Variants in SLC44A1 observed in about 807,000 individuals in gnomAD.
The protein encoded by SLC44A1 is solute carrier family 44 member 1.
A neutral mutation model predicts 79.3 loss-of-function variants in SLC44A1; 26 were observed. The observed-to-expected ratio is 0.33, with a 90% CI of 0.24 to 0.46. The LOEUF (loss-of-function observed/expected upper bound fraction) is 0.46. Among genes scored for constraint, SLC44A1 ranks in the 20% least tolerant of loss-of-function variants. The probability of loss-of-function intolerance (pLI) is 1.00; values close to 1 mark genes in which losing one functional copy is unlikely to be tolerated. For synonymous variants in SLC44A1, 263 were observed against 286.2 expected, an observed-to-expected ratio of 0.92 and a Z score of 0.82; for missense variants, 688 against 798.1, an observed-to-expected ratio of 0.86 and a Z score of 1.66.
At chr9:105,248,149 C>T (rs1478409588) in intron 1 of SLC44A1, among the ~76,000 whole-genome samples, 1 of 152,238 alleles carries the variant, frequency 6.6e-6, no homozygotes, top group East Asian at 1.9e-4. Context: ...TAGCTTTTCT[C>T]AGCAGTATCT....
chr9:105,378,371 T>C (rs1449022994), intron 13 of SLC44A1, among the ~76,000 whole-genome samples: 2 of 152,246 alleles, frequency 1.3e-5, no homozygotes, highest in African/African-American at 4.8e-5. Context: ...ATACAACTGT[T>C]GTGTCATTTA....
intron 12 of SLC44A1, among the ~76,000 whole-genome samples, chr9:105,372,929 G>C (rs1395717621): frequency 7.6e-5 from 11 of 144,392 alleles, no homozygotes. Flanking sequence ...CAGCCTGGGC[G>C]ACAGAGCGAG....
At position 105,390,248 on chromosome 9, in the gene SLC44A1, C is replaced by T; in HGVS notation, c.*1192C>T. On this transcript the variant is annotated 3_prime_UTR_variant, in exon 16 of 16. Coordinates refer to ENST00000374720, the MANE Select transcript of SLC44A1 (RefSeq NM_080546.5). The stretch of plus-strand genomic sequence containing the variant: ...GAATGGCTAATACTCCATTGTTCTG[C>T]TTGTTGTAATGGTGAATGCTTTAAG... 1 of 1,073,800 alleles carries T rather than the reference C, an allele frequency of 9.3e-7. No homozygotes were observed. The highest frequency in any genetic ancestry group is 1.1e-6 in the Non-Finnish European group (1 of 887,820). The allele number at this position is 1,073,800 out of a possible 1,614,324, so 66.5% of individuals were successfully genotyped here. A position where few individuals can be genotyped will look rare whatever the true frequency, so the allele number is the denominator to read the frequency against.
At chr9:105,260,165 G>C (rs565209564) in intron 1 of SLC44A1, among the ~76,000 whole-genome samples, 156 of 152,262 alleles carry the variant, frequency 1.0e-3, no homozygotes, top group Admixed American at 1.9e-3. Context: ...GGTCAGAAAA[G>C]TTTGAGAGGT....
At chr9:105,249,180 A>G (rs1829523239) in intron 1 of SLC44A1, among the ~76,000 whole-genome samples, 1 of 152,216 alleles carries the variant, frequency 6.6e-6, no homozygotes, top group Non-Finnish European at 1.5e-5. Context: ...GAGTAATAAA[A>G]AACAATCAGA....
intron 1 of SLC44A1, among the ~76,000 whole-genome samples, chr9:105,274,640 C>T (rs1830158389): frequency 6.6e-6 from 1 of 152,214 alleles, no homozygotes; most frequent in Non-Finnish European, 1.5e-5. Context: ...GATCATGAAA[C>T]AAGTTCTTCT....
rs764499167 is a variant in SLC44A1, at chr9:105,361,201, T to C, written c.771T>C (p.Gly257=). The C allele has an allele frequency of 6.2e-7, 1 of 1,614,062 alleles. No individual in the cohort carries two copies. Residue 257 remains glycine, a synonymous_variant, in exon 8 of 16, where the codon GGT becomes GGC. Transcript: ENST00000374720. ...LVILGSLGGT[G]VLWWLYAKQR... ...GTCTTTTGTCTCCAGGAGGCACAGGTGTACTATGGTGGCTGTATGCAAAGC... is the reference window on the plus strand; with the variant it reads ...GTCTTTTGTCTCCAGGAGGCACAGGCGTACTATGGTGGCTGTATGCAAAGC...
chr9:105,390,303 T>G lies in SLC44A1; in HGVS notation c.*1247T>G, dbSNP rs1828730441. On this transcript the variant is annotated 3_prime_UTR_variant, in exon 16 of 16. Coordinates refer to ENST00000374720, the MANE Select transcript of SLC44A1 (RefSeq NM_080546.5). ...AAAAGTGTAATTTGCTAAGAATAAT[T>G]CATGATCTGTTTATGCGATAACTCC... 1 of 998,982 alleles carries G rather than the reference T, an allele frequency of 1.0e-6. No homozygotes were observed. Among genetic ancestry groups the G allele is most frequent in the Non-Finnish European group, 1.2e-6 (1 of 838,546 alleles). 61.9% of individuals were successfully genotyped at this position (998,982 alleles called of 1,614,324 possible). A position where few individuals can be genotyped will look rare whatever the true frequency, so the allele number is the denominator to read the frequency against.
chr9:105,244,986 C>T (rs1829393988), intron 1 of SLC44A1, 82 bp downstream of exon 1: 1 of 511,542 alleles, frequency 2.0e-6, no homozygotes, highest in Middle Eastern at 7.9e-4. Context: ...CCGCCCGATA[C>T]CTCTCGCTGT....
intron 3 of SLC44A1, among the ~76,000 whole-genome samples, chr9:105,311,766 T>G (rs1027054960): frequency 2.6e-5 from 4 of 152,218 alleles, no homozygotes; most frequent in Non-Finnish European, 5.9e-5. Flanking sequence ...TTTTTAGTGC[T>G]AACCTACTTA....
At chr9:105,358,237 G>T in intron 6 of SLC44A1, 107 bp from the exon 7 acceptor site, 1 of 652,100 alleles carries the variant, frequency 1.5e-6, no homozygotes. Flanking sequence ...GTGGTCAATA[G>T]CAACAGATTA....
chr9:105,244,952 G>T, intron 1 of SLC44A1, 48 bp downstream of exon 1: 1 of 1,054,626 alleles, frequency 9.5e-7, no homozygotes. Flanking sequence ...CCTCCCGTGC[G>T]CCGCGTCGCG....
chr9:105,335,783 T>A, intron 4 of SLC44A1, 84 bp downstream of exon 4: 1 of 1,269,242 alleles, frequency 7.9e-7, no homozygotes, highest in Non-Finnish European at 1.1e-6. Flanking sequence ...TTAAATAAAT[T>A]ATCAAGGAAC....
At chr9:105,376,356 A>ACACACACT (rs1432500244) in intron 13 of SLC44A1, among the ~76,000 whole-genome samples, 2 of 145,460 alleles carry the variant, frequency 1.4e-5, no homozygotes, top group African/African-American at 5.2e-5. Flanking sequence ...CACACTACAC[A>ACACACACT]CACACACTAC....
At chr9:105,333,521 A>G (rs1198006230) in intron 3 of SLC44A1, among the ~76,000 whole-genome samples, 1 of 152,210 alleles carries the variant, frequency 6.6e-6, no homozygotes, top group African/African-American at 2.4e-5. Context: ...ATTAAGTATT[A>G]TTAGGCCAGG....
chr9:105,325,476 G>T (rs965514420), intron 3 of SLC44A1, among the ~76,000 whole-genome samples: 1 of 152,204 alleles, frequency 6.6e-6, no homozygotes, highest in Non-Finnish European at 1.5e-5. Context: ...CAAGATGGAG[G>T]TTCTACATCT....
At chr9:105,424,948 C>CAAAAAAAAAAA (rs200345209) in intron 15 of SLC44A1, among the ~76,000 whole-genome samples, 3 of 96,182 alleles carry the variant, frequency 3.1e-5, no homozygotes, top group African/African-American at 1.2e-4. Flanking sequence ...GACTCCATCT[C>CAAAAAAAAAAA]AAAAAAAAAA....
At position 105,390,535 on chromosome 9, in the gene SLC44A1, T is replaced by C. The variant is rs1828740361; in HGVS notation, c.*1479T>C. On this transcript the variant is annotated 3_prime_UTR_variant, in exon 16 of 16. Coordinates refer to ENST00000374720, the MANE Select transcript of SLC44A1 (RefSeq NM_080546.5). ...TACCAGAACTAGACAGTGAATTAGA[T>C]CGGTATTATGGAAATGCATACAAGT... 2 of 984,210 alleles carry C rather than the reference T, an allele frequency of 2.0e-6. No homozygotes were observed. Among genetic ancestry groups the C allele is most frequent in the Non-Finnish European group, 2.4e-6 (2 of 829,734 alleles). 61.0% of individuals were successfully genotyped at this position (984,210 alleles called of 1,614,324 possible).
At position 105,396,824 on chromosome 9, in the gene SLC44A1, C is replaced by T. The variant is rs1228409133; in HGVS notation, c.*7768C>T. 1 of 984,162 alleles carries T rather than the reference C, an allele frequency of 1.0e-6. No homozygotes were observed. Among genetic ancestry groups the T allele is most frequent in the Non-Finnish European group, 1.2e-6 (1 of 829,210 alleles). 61.0% of individuals were successfully genotyped at this position (984,162 alleles called of 1,614,324 possible). A position where few individuals can be genotyped will look rare whatever the true frequency, so the allele number is the denominator to read the frequency against. ...TATAAACTGGAGGATCACAGTTAAG[C>T]CTTCCATGAATTCATAGTTTGGAAT... On this transcript the variant is annotated 3_prime_UTR_variant, in exon 16 of 16. Coordinates refer to ENST00000374720, the MANE Select transcript of SLC44A1 (RefSeq NM_080546.5).
Sources: allele counts gnomAD v4.1 joint callset (sites outside exome capture counted in the v4.1 genomes callset), GRCh38; gene constraint gnomAD v4.1.1; transcripts MANE v1.5; gene names NCBI Gene and HGNC (gene_info 2026-07-23, HGNC 2026-07-21).